RASAL3: variants seen among roughly 807,000 people sequenced by gnomAD.
The protein encoded by RASAL3 is RAS protein activator like 3.
RASAL3 carries 74 observed loss-of-function variants against 105.5 expected under a neutral mutation model. The observed-to-expected ratio is 0.70, with a 90% CI of 0.58 to 0.85. RASAL3 has a LOEUF of 0.85. RASAL3 is among the 40% of genes least tolerant of loss of function. The pLI is 0.00. For synonymous variants in RASAL3, 579 were observed against 591.6 expected (o/e 0.98, Z 0.31); for missense variants, 1,352 against 1,392.0 (o/e 0.97, Z 0.46).
rs975301770 is a variant in RASAL3 at position 15,452,310 on chromosome 19, C to A, written c.2829-202G>T. ...TGGAATGACAGGACCTATCAATCAT[C>A]CCTTGGAGGTGGGGTTTGGCCAGTC... is the stretch of plus-strand genomic sequence containing the variant. On this transcript the variant is annotated intron_variant, in intron 16 of 17. Transcript: ENST00000343625. The A allele has an allele frequency of 1.6e-5, 10 of 623,062 alleles. No homozygotes were observed. In the Admixed American group the frequency reaches 2.6e-4, roughly 16 times the overall value. The allele number at this position is 623,062 out of a possible 1,614,324, so 38.6% of individuals were successfully genotyped here.
At chr19:15,459,107 T>C (rs1000833888) in intron 6 of RASAL3, among the ~76,000 whole-genome samples, 8 of 151,482 alleles carry the variant, frequency 5.3e-5, no homozygotes, top group African/African-American at 1.9e-4. Flanking sequence ...ATTTTCTAAT[T>C]TTTATATTTT....
At position 15,457,710 on chromosome 19, in the gene RASAL3, G is replaced by A; in HGVS notation, c.1013C>T (p.Ala338Val). The A allele has an allele frequency of 6.7e-7, 1 of 1,501,004 alleles. No homozygotes were observed. The highest frequency in any genetic ancestry group is 2.4e-4 in the Middle Eastern group (1 of 4,154). 93.0% of individuals were successfully genotyped at this position (1,501,004 alleles called of 1,614,324 possible). Residue 338 changes from alanine (A) to valine (V), a missense_variant, in exon 9 of 18, where the codon GCA becomes GTA. Ala to Val is a moderately conservative substitution (Grantham distance 64). Transcript: ENST00000343625. This position sits in a 1 kb window ranked among gnomAD's most constrained non-coding sequence, Gnocchi z 8.6. ...TGGGCCGGCCCGAGGCGCCGTGCGT[G>A]CCAGCAGCGCGCCATCCAGCCACAG... ...AELWLDGALL[A>V]RTAPRAGPGQ...
In RASAL3 at chr19:15,456,965, C is replaced by T; in HGVS notation, c.1432-319G>A. 1 of 479,592 alleles carries T rather than the reference C, an allele frequency of 2.1e-6. No homozygotes were observed. Among genetic ancestry groups the T allele is most frequent in the Non-Finnish European group, 3.8e-6 (1 of 265,876 alleles). The allele number at this position is 479,592 out of a possible 1,614,324, so 29.7% of individuals were successfully genotyped here. ...TGGGTGATAATTAGGCCCCGCCCCT[C>T]ACAGCTGAAGCTCAGGCCCAGTCCT... On this transcript the variant is annotated intron_variant, in intron 9 of 17. Coordinates refer to ENST00000343625, the MANE Select transcript of RASAL3 (RefSeq NM_022904.3). This position sits in a 1 kb window ranked among gnomAD's most constrained non-coding sequence, Gnocchi z 4.4.
rs907989597 is a variant in RASAL3 at position 15,458,041 on chromosome 19, G to A, written c.889-207C>T. 34 of 649,168 alleles carry A rather than the reference G, an allele frequency of 5.2e-5. No homozygotes were observed. The Admixed American group carries it at 7.0e-4, about 13-fold the overall frequency. The allele number at this position is 649,168 out of a possible 1,614,324, so 40.2% of individuals were successfully genotyped here. ...TTTTCTGGGCTCTCCGGGAGAGTTG[G>A]GGGCTCCAGGGCATACAAGAGTAGT... On this transcript the variant is annotated intron_variant, in intron 8 of 17. Transcript: ENST00000343625.
Position 15,457,446 on chromosome 19 carries a change from A to G in RASAL3, c.1277T>C (p.Val426Ala). 1 of 1,413,928 alleles carries G rather than the reference A, an allele frequency of 7.1e-7. No individual in the cohort carries two copies. 87.6% of individuals were successfully genotyped at this position (1,413,928 alleles called of 1,614,324 possible). ...CTCCTTGTAGCGCTCGGACGGCAGC[A>G]CGCGCAGGCGACGCGCCCGAATCCG... The part of the protein sequence containing the change: ...RARIRARRLR[V>A]LPSERYKELA... Residue 426 changes from valine (V) to alanine (A), a missense_variant, in exon 9 of 18, where the codon GTG (valine) becomes GCG (alanine). By Grantham distance (64) the Val-to-Ala change is moderately conservative (BLOSUM62 0). Coordinates refer to ENST00000343625, the MANE Select transcript of RASAL3 (RefSeq NM_022904.3). This position sits in a 1 kb window ranked among gnomAD's most constrained non-coding sequence, Gnocchi z 8.6.
In RASAL3 at chr19:15,452,742, A is replaced by G; in HGVS notation, c.2744T>C (p.Leu915Pro). 6.4e-7 allele frequency: 1 copy of G among 1,560,224 alleles called. No homozygotes were observed. The highest frequency in any genetic ancestry group is 1.9e-5 in the Admixed American group (1 of 52,520). ...QKVLSRLVES[L>P]STQIRALTEQ... Reference sequence around the variant, plus strand: ...CGTCAAGGCCCGGATTTGGGTGCTCAGCGACTCCACGAGGCGGGACAGCAC... The same window carrying G: ...CGTCAAGGCCCGGATTTGGGTGCTCGGCGACTCCACGAGGCGGGACAGCAC... The change falls in exon 16 of 18, where the codon CTG (leucine) becomes CCG (proline). Residue 915 changes from leucine to proline, a missense_variant. Coordinates refer to ENST00000343625, the MANE Select transcript of RASAL3 (RefSeq NM_022904.3).
intron 17 of RASAL3, 50 bp from the exon 18 acceptor site, chr19:15,451,988 G>T: frequency 1.2e-6 from 2 of 1,613,648 alleles, no homozygotes; most frequent in Non-Finnish European, 1.7e-6. Context: ...GGGCTGCACC[G>T]CAACCCTTGC....
chr19:15,453,270 G>C lies in RASAL3; in HGVS notation c.2507C>G (p.Pro836Arg). ...CATGCTCAGGGAGCCTTTGGGTCGC[G>C]GCCAGGGCCCCGCAGATTGGCGGCG... ...ARRRQSAGPWPRPKGSLSMGP... is the reference protein window; with the variant it reads ...ARRRQSAGPWRRPKGSLSMGP... Residue 836 changes from proline (P) to arginine (R), a missense_variant, in exon 15 of 18, where the codon CCG (proline) becomes CGG (arginine). Physicochemically the swap from Pro to Arg is moderately radical, Grantham distance 103. Transcript: ENST00000343625. The surrounding 1 kb of genome is among the most constrained non-coding windows in gnomAD (Gnocchi z 4.2). 6.4e-7 allele frequency: 1 copy of C among 1,555,972 alleles called. No individual in the cohort carries two copies. Among genetic ancestry groups the C allele is most frequent in the South Asian group, 1.2e-5 (1 of 85,730 alleles).
chr19:15,459,971 A>T (rs758565104), intron 6 of RASAL3, among the ~76,000 whole-genome samples: 1 of 151,368 alleles, frequency 6.6e-6, no homozygotes, highest in Non-Finnish European at 1.5e-5. Context: ...ACCTTCCCTA[A>T]CCCTCCCAGA....
intron 6 of RASAL3, 26 bp from the exon 7 acceptor site, chr19:15,458,681 C>A: frequency 1.9e-6 from 3 of 1,606,342 alleles, no homozygotes; most frequent in Non-Finnish European, 2.5e-6. Context: ...GTGAGCACAC[C>A]GTCATTCCTG....
chr19:15,453,545 G>A lies in RASAL3; in HGVS notation c.2280-48C>T, dbSNP rs1970226800. 2.1e-6 allele frequency: 3 copies of A among 1,462,316 alleles called. No homozygotes were observed. The highest frequency in any genetic ancestry group is 4.9e-4 in the Middle Eastern group (2 of 4,120). The allele number at this position is 1,462,316 out of a possible 1,614,324, so 90.6% of individuals were successfully genotyped here. A position where few individuals can be genotyped will look rare whatever the true frequency, so the allele number is the denominator to read the frequency against. On this transcript the variant is annotated intron_variant, in intron 14 of 17. Transcript: ENST00000343625. This position sits in a 1 kb window ranked among gnomAD's most constrained non-coding sequence, Gnocchi z 4.2. The stretch of plus-strand genomic sequence containing the variant: ...TAGACCCTCCACTGGCCCCTGAGAC[G>A]ACCCCATCCCGACCTGACCAGAAGT...
chr19:15,457,420 G>A lies in RASAL3; in HGVS notation c.1303C>T (p.Leu435=). The A allele has an allele frequency of 6.9e-7, 1 of 1,443,034 alleles. No individual in the cohort carries two copies. Among genetic ancestry groups the A allele is most frequent in the Non-Finnish European group, 9.1e-7 (1 of 1,101,134 alleles). 89.4% of individuals were successfully genotyped at this position (1,443,034 alleles called of 1,614,324 possible). ...TAGTGGAAGGTGAGGAACTCCGCCA[G>A]CTCCTTGTAGCGCTCGGACGGCAGC... ...RVLPSERYKE[L]AEFLTFHYAR... The change falls in exon 9 of 18, where the codon CTG becomes TTG. Residue 435 remains leucine, a synonymous_variant. Coordinates refer to ENST00000343625, the MANE Select transcript of RASAL3 (RefSeq NM_022904.3). This position sits in a 1 kb window ranked among gnomAD's most constrained non-coding sequence, Gnocchi z 8.6.
chr19:15,461,391 T>C (rs1231410915), intron 3 of RASAL3, 80 bp downstream of exon 3: 1 of 1,524,418 alleles, frequency 6.6e-7, no homozygotes, highest in African/African-American at 1.4e-5. Context: ...CCCATTATCC[T>C]CCCTCCAGCC....
Position 15,451,710 on chromosome 19 carries a change from T to G in RASAL3, c.*85A>C. ...GCTCCACTCCCCACTGTAGGCCAAG[T>G]AGGGCTAAGGCAAAGTCAGACACCC... On this transcript the variant is annotated 3_prime_UTR_variant, in exon 18 of 18. Coordinates refer to ENST00000343625, the MANE Select transcript of RASAL3 (RefSeq NM_022904.3). 6.8e-7 allele frequency: 1 copy of G among 1,471,044 alleles called. No homozygotes were observed. Among genetic ancestry groups the G allele is most frequent in the Non-Finnish European group, 9.2e-7 (1 of 1,087,996 alleles). The allele number at this position is 1,471,044 out of a possible 1,614,324, so 91.1% of individuals were successfully genotyped here. A position where few individuals can be genotyped will look rare whatever the true frequency, so the allele number is the denominator to read the frequency against.
Position 15,461,347 on chromosome 19 carries a change from C to CAGGCAGGCAGACCGAGGGAG in RASAL3, c.466-71_466-52dup. 5.1e-6 allele frequency: 8 copies of CAGGCAGGCAGACCGAGGGAG among 1,580,102 alleles called. 1 individual carries two copies. In the South Asian group the frequency reaches 9.0e-5, roughly 18 times the overall value. ...CAGAGAGGGGAGGCAGGCAGGCAGG[C>CAGGCAGGCAGACCGAGGGAG]AGGCAGGCAGACCGAGGGAGAGGCA... On this transcript the variant is annotated intron_variant, in intron 3 of 17. Transcript: ENST00000343625.
Position 15,454,813 on chromosome 19 carries a change from G to A in RASAL3, c.1802C>T (p.Pro601Leu), listed in dbSNP as rs371533350. 3.8e-6 allele frequency: 6 copies of A among 1,591,994 alleles called. No individual in the cohort carries two copies. The highest frequency in any genetic ancestry group is 2.7e-5 in the African/African-American group (2 of 74,514). ...GAAGAGGGAGGCGCACACCAGTCGG[G>A]GGCCCAGCACCTCAGAGCCACGTTC... is the stretch of plus-strand genomic sequence containing the variant. The part of the protein sequence containing the change: ...CKERGSEVLG[P>L]RLVCASLFLR... Residue 601 changes from proline to leucine, a missense_variant, in exon 12 of 18, where the codon CCC (proline) becomes CTC (leucine). By Grantham distance (98) the Pro-to-Leu change is moderately conservative. Transcript: ENST00000343625.
Position 15,456,381 on chromosome 19 carries a change from T to C in RASAL3, c.1576+121A>G. On this transcript the variant is annotated intron_variant, in intron 10 of 17. Coordinates refer to ENST00000343625, the MANE Select transcript of RASAL3 (RefSeq NM_022904.3). This position sits in a 1 kb window ranked among gnomAD's most constrained non-coding sequence, Gnocchi z 4.4. ...GGGGAGCTCCCAATTGTCCCCAGGA[T>C]CCTAGCACCCCCAAAACACCACTCA... 1 of 1,523,590 alleles carries C rather than the reference T, an allele frequency of 6.6e-7. No homozygotes were observed. Among genetic ancestry groups the C allele is most frequent in the South Asian group, 1.2e-5 (1 of 81,092 alleles). The allele number at this position is 1,523,590 out of a possible 1,614,324, so 94.4% of individuals were successfully genotyped here. A position where few individuals can be genotyped will look rare whatever the true frequency, so the allele number is the denominator to read the frequency against.
Position 15,464,114 on chromosome 19 carries a change from C to G in RASAL3, c.245G>C (p.Arg82Pro), listed in dbSNP as rs201278861. Residue 82 changes from arginine (R) to proline (P), a missense_variant, in exon 2 of 18, where the codon CGC becomes CCC. Arg to Pro is a moderately radical substitution (Grantham distance 103). This residue lies in a region of RASAL3 where 344 missense variants were observed against 339.6 expected (regional missense o/e 1.01). Coordinates refer to ENST00000343625, the MANE Select transcript of RASAL3 (RefSeq NM_022904.3). ...SAPPKESRTSRLRLSKALWGR... is the reference protein window; with the variant it reads ...SAPPKESRTSPLRLSKALWGR... The stretch of plus-strand genomic sequence containing the variant: ...CCAGAGGGCCTTGGAGAGTCGAAGG[C>G]GACTGGTCCGTGACTCCTTGGGAGG... The G allele has an allele frequency of 1.1e-4, 183 of 1,613,040 alleles. No homozygotes were observed. Among genetic ancestry groups the G allele is most frequent in the Non-Finnish European group, 1.5e-4 (178 of 1,179,630 alleles).
In RASAL3 at chr19:15,464,276, C is replaced by G. The variant is rs765673574; in HGVS notation, c.83G>C (p.Gly28Ala). The G allele has an allele frequency of 1.4e-5, 23 of 1,609,598 alleles. No homozygotes were observed. The Middle Eastern group carries it at 8.5e-4, about 60-fold the overall frequency. The change falls in exon 2 of 18, where the codon GGG becomes GCG. Residue 28 changes from glycine to alanine, a missense_variant. By Grantham distance (60) the Gly-to-Ala change is moderately conservative. Transcript: ENST00000343625. ...SPLTSYRWHT[G>A]GGGEKAAGGF... is the part of the protein sequence containing the mutation. ...TCCAGCCGCCTTCTCCCCACCGCCC[C>G]CTGTGTGCCAGCGGTAGGAAGTCAG...
Sources: gnomAD v4.1 joint callset for allele counts (sites outside exome capture counted in the v4.1 genomes callset) on GRCh38, gnomAD v4.1.1 for gene constraint, gnomAD v4.1.1 regional missense constraint, Gnocchi (gnomAD v3.1) non-coding constraint, MANE v1.5 for transcripts, NCBI Gene and HGNC (gene_info 2026-07-23, HGNC 2026-07-21) for gene names.